Variants in PARD3B observed in about 807,000 individuals in gnomAD.
PARD3B encodes the protein par-3 family cell polarity regulator beta.
PARD3B carries 103 observed loss-of-function variants against 130.2 expected under a neutral mutation model. The observed-to-expected ratio is 0.79, with a 90% CI of 0.67 to 0.93. PARD3B has a LOEUF of 0.93. Among genes scored for constraint, PARD3B ranks in the 40% least tolerant of loss-of-function variants. The pLI is 0.00. For missense variants in PARD3B, 1,609 were observed against 1,499.2 expected (o/e 1.07, Z -1.21); for synonymous variants, 583 against 553.2 (o/e 1.05, Z -0.76).
chr2:205,147,176 A>G (rs915340476), intron 10 of PARD3B, among the ~76,000 whole-genome samples: 2 of 152,204 alleles, frequency 1.3e-5, no homozygotes, highest in Non-Finnish European at 2.9e-5. Context: ...TAGTTGTATA[A>G]TTTCATATTG....
At position 204,678,038 on chromosome 2, in the gene PARD3B, C is replaced by G. The variant is rs114579491; in HGVS notation, c.121-8143C>G. ...ATTATTTTCATTTTTATGTAAATAC[C>G]TTGGAAGTATATCACACGTGCAGAA... On this transcript the variant is annotated intron_variant, in intron 1 of 22. Coordinates refer to ENST00000406610, the MANE Select transcript of PARD3B (RefSeq NM_001302769.2). The surrounding 1 kb of genome is among the most constrained non-coding windows in gnomAD (Gnocchi z 4.2). 6.6e-6 allele frequency among the ~76,000 whole-genome samples: 1 copy of G among 152,102 alleles called. No homozygotes were observed. Among genetic ancestry groups the G allele is most frequent in the Non-Finnish European group, 1.5e-5 (1 of 68,018 alleles).
At chr2:205,506,782 T>C (rs1409352038) in intron 21 of PARD3B, among the ~76,000 whole-genome samples, 1 of 152,244 alleles carries the variant, frequency 6.6e-6, no homozygotes, top group Non-Finnish European at 1.5e-5. Flanking sequence ...AGTACATTGA[T>C]GAACAATTCT....
At chr2:204,642,704 T>A (rs566109755) in intron 1 of PARD3B, among the ~76,000 whole-genome samples, 1 of 152,066 alleles carries the variant, frequency 6.6e-6, no homozygotes, top group Non-Finnish European at 1.5e-5. Context: ...AAGTTTCATG[T>A]CGAATTGTAA....
chr2:205,264,781 A>T (rs1305035962), intron 16 of PARD3B, among the ~76,000 whole-genome samples: 1 of 151,210 alleles, frequency 6.6e-6, no homozygotes, highest in Non-Finnish European at 1.5e-5. Context: ...GTGATTAGTA[A>T]TACAAATATA....
rs373727377 is a variant in PARD3B, at chr2:204,652,681, A to G, written c.121-33500A>G. ...AGTGCTCCACTAATACCAATTTTCT[A>G]TATTAGTCCATTTTTACACTGCTAT... On this transcript the variant is annotated intron_variant, in intron 1 of 22. Transcript: ENST00000406610. Among the ~76,000 whole-genome samples the G allele has an allele frequency of 8.5e-5, 13 of 152,266 alleles. No homozygotes were observed. In the South Asian group the frequency reaches 2.1e-3, roughly 24 times the overall value.
intron 2 of PARD3B, among the ~76,000 whole-genome samples, chr2:204,815,074 A>G (rs992327784): frequency 7.2e-5 from 11 of 151,912 alleles, no homozygotes; most frequent in African/African-American, 2.7e-4. Context: ...GCCTCATAGA[A>G]TGAGTCTTGA....
chr2:205,607,294 G>A (rs1419560668), intron 22 of PARD3B, among the ~76,000 whole-genome samples: 2 of 151,406 alleles, frequency 1.3e-5, no homozygotes, highest in African/African-American at 2.4e-5. Context: ...TTTTAGAAAT[G>A]TGTTTCCAAA....
At position 205,230,655 on chromosome 2, in the gene PARD3B, T is replaced by TG. The variant is rs201766891; in HGVS notation, c.2141-15123_2141-15122insG. ...GCCCAACGGCTGTCTCACTAGGTTA[T>TG]TACCCCCCAAGTCCACTTACTCCAA... On this transcript the variant is annotated intron_variant, in intron 15 of 22. Coordinates refer to ENST00000406610, the MANE Select transcript of PARD3B (RefSeq NM_001302769.2). This position sits in a 1 kb window ranked among gnomAD's most constrained non-coding sequence, Gnocchi z 4.1. Among the ~76,000 whole-genome samples the TG allele has an allele frequency of 6.5e-3, 990 of 152,246 alleles. 15 individuals carry two copies. Among genetic ancestry groups the TG allele is most frequent in the African/African-American group, 0.023 (935 of 41,554 alleles).
At chr2:205,072,640 G>C (rs1191285262) in intron 4 of PARD3B, among the ~76,000 whole-genome samples, 1 of 151,996 alleles carries the variant, frequency 6.6e-6, no homozygotes, top group Non-Finnish European at 1.5e-5. Context: ...ATATTTTAAG[G>C]TCTAAATAAC....
chr2:205,047,912 T>C, intron 4 of PARD3B: 1 of 366,182 alleles, frequency 2.7e-6, no homozygotes, highest in East Asian at 4.1e-5. Flanking sequence ...AGTACTATTT[T>C]ACCTGTTTTA....
At chr2:204,650,952 ACT>A (rs1371984178) in intron 1 of PARD3B, among the ~76,000 whole-genome samples, 4 of 152,058 alleles carry the variant, frequency 2.6e-5, no homozygotes, top group Non-Finnish European at 5.9e-5. Context: ...TCTCAGGATA[ACT>A]CACACACTAT....
intron 18 of PARD3B, among the ~76,000 whole-genome samples, chr2:205,362,436 A>G (rs1241876476): frequency 6.6e-6 from 1 of 152,232 alleles, no homozygotes; most frequent in Non-Finnish European, 1.5e-5. Flanking sequence ...CTGTTAGTTC[A>G]GGTAAACAGA....
chr2:204,696,918 A>G (rs2037636958), intron 2 of PARD3B, among the ~76,000 whole-genome samples: 1 of 152,130 alleles, frequency 6.6e-6, no homozygotes, highest in East Asian at 1.9e-4. Context: ...GAAATAGCAT[A>G]GAAACATGTT....
intron 1 of PARD3B, among the ~76,000 whole-genome samples, chr2:204,676,149 G>A (rs979663113): frequency 4.0e-5 from 6 of 150,844 alleles, no homozygotes; most frequent in Non-Finnish European, 8.9e-5. Flanking sequence ...GGGAAGGTGG[G>A]AGGAGAACTA....
intron 2 of PARD3B, among the ~76,000 whole-genome samples, chr2:204,895,244 G>A (rs2046598769): frequency 6.6e-6 from 1 of 151,988 alleles, no homozygotes; most frequent in African/African-American, 2.4e-5. Flanking sequence ...AGCTGTATAT[G>A]GTTTTTGAAT....
intron 3 of PARD3B, among the ~76,000 whole-genome samples, chr2:204,983,435 G>A (rs1431905977): frequency 6.6e-6 from 1 of 151,386 alleles, no homozygotes; most frequent in Non-Finnish European, 1.5e-5. Context: ...GAGGAGAGAA[G>A]TCAGTTTAAG....
chr2:204,910,038 A>G lies in PARD3B; in HGVS notation c.223-55114A>G, dbSNP rs894483191. Among the ~76,000 whole-genome samples the G allele has an allele frequency of 7.9e-5, 12 of 152,266 alleles. No homozygotes were observed. The Middle Eastern group carries it at 0.017, about 216-fold the overall frequency. Reference sequence around the variant, plus strand: ...GTTTAGATGATTAGATGATGAGTAAAGAAGAGTATTGGTGGACCTCCAATA... The same window carrying G: ...GTTTAGATGATTAGATGATGAGTAAGGAAGAGTATTGGTGGACCTCCAATA... On this transcript the variant is annotated intron_variant, in intron 2 of 22. Coordinates refer to ENST00000406610, the MANE Select transcript of PARD3B (RefSeq NM_001302769.2).
At chr2:204,671,702 G>A (rs1339667821) in intron 1 of PARD3B, among the ~76,000 whole-genome samples, 1 of 152,068 alleles carries the variant, frequency 6.6e-6, no homozygotes, top group South Asian at 2.1e-4. Context: ...TGAGATTGTC[G>A]TAATGACTGT....
At chr2:205,314,362 C>T (rs2042490678) in intron 18 of PARD3B, among the ~76,000 whole-genome samples, 1 of 152,114 alleles carries the variant, frequency 6.6e-6, no homozygotes. Context: ...GACTTTTGTT[C>T]CTATGGTGTC....
Sources: allele counts gnomAD v4.1 joint callset (sites outside exome capture counted in the v4.1 genomes callset), GRCh38; gene constraint gnomAD v4.1.1; non-coding constraint Gnocchi (gnomAD v3.1); transcripts MANE v1.5; gene names NCBI Gene and HGNC (gene_info 2026-07-23, HGNC 2026-07-21).